Variants in CNTNAP2 observed in about 807,000 individuals in gnomAD.
CNTNAP2 encodes the protein contactin-associated protein-like 2.
In CNTNAP2, 98 loss-of-function variants were observed where a neutral mutation model predicts 155.2. The ratio of observed to expected loss-of-function variants is 0.63; its 90% CI spans 0.54 to 0.75. The LOEUF is 0.75. CNTNAP2 is among the 30% of genes least tolerant of loss of function. The probability of loss-of-function intolerance (pLI) is 0.00; values close to 1 mark genes in which losing one functional copy is unlikely to be tolerated. For missense variants in CNTNAP2, 1,727 were observed against 1,688.1 expected (o/e 1.02, Z -0.40); for synonymous variants, 651 against 631.2 (o/e 1.03, Z -0.47).
chr7:147,131,105 C>CAT (rs928043375), intron 7 of CNTNAP2, among the ~76,000 whole-genome samples: 1 of 139,892 alleles, frequency 7.1e-6, no homozygotes, highest in African/African-American at 2.5e-5. Context: ...TATACACACA[C>CAT]ATATATATAC....
At chr7:148,231,310 A>C (rs1218508403) in intron 20 of CNTNAP2, among the ~76,000 whole-genome samples, 1 of 152,170 alleles carries the variant, frequency 6.6e-6, no homozygotes, top group Non-Finnish European at 1.5e-5. Context: ...ACCTGCAGAG[A>C]ATCCAGGGGA....
chr7:148,056,910 C>A (rs1366135491), intron 15 of CNTNAP2, among the ~76,000 whole-genome samples: 2 of 152,160 alleles, frequency 1.3e-5, no homozygotes, highest in African/African-American at 4.8e-5. Flanking sequence ...TTTGCAACAA[C>A]TTTTAGAGCC....
chr7:147,907,842 T>C (rs1424560344), intron 14 of CNTNAP2, among the ~76,000 whole-genome samples: 3 of 152,136 alleles, frequency 2.0e-5, no homozygotes, highest in Non-Finnish European at 4.4e-5. Context: ...GGTACAGTAG[T>C]GTGATCTAGG....
Position 148,256,849 on chromosome 7 carries a change from G to A in CNTNAP2, c.3382-10184G>A, listed in dbSNP as rs1478448940. 2.0e-5 allele frequency among the ~76,000 whole-genome samples: 3 copies of A among 152,244 alleles called. No homozygotes were observed. The East Asian group carries it at 5.8e-4, about 30-fold the overall frequency. The stretch of plus-strand genomic sequence containing the variant: ...ACAAATCTGTCTGCTTTGGCCCTAG[G>A]CTAGGCCACCTCTGGCCTTGCCAAC... On this transcript the variant is annotated intron_variant, in intron 20 of 23. Transcript: ENST00000361727.
At chr7:148,041,888 T>TA (rs1802683739) in intron 15 of CNTNAP2, among the ~76,000 whole-genome samples, 1 of 152,146 alleles carries the variant, frequency 6.6e-6, no homozygotes, top group Non-Finnish European at 1.5e-5. Flanking sequence ...AATTATTTTT[T>TA]TAAAAAACTG....
At chr7:148,039,776 A>G (rs892893766) in intron 15 of CNTNAP2, among the ~76,000 whole-genome samples, 8 of 152,126 alleles carry the variant, frequency 5.3e-5, no homozygotes, top group African/African-American at 1.7e-4. Context: ...ACATACAAGA[A>G]CCCTCTGCTT....
At chr7:148,365,746 G>T (rs1798731121) in intron 21 of CNTNAP2, among the ~76,000 whole-genome samples, 1 of 63,360 alleles carries the variant, frequency 1.6e-5, no homozygotes, top group African/African-American at 4.8e-5. Context: ...GTGTATACAT[G>T]TATACATGTA....
intron 13 of CNTNAP2, among the ~76,000 whole-genome samples, chr7:147,738,495 G>A (rs1796896468): frequency 6.6e-6 from 1 of 152,124 alleles, no homozygotes; most frequent in South Asian, 2.1e-4. Context: ...ATAGAGGCAA[G>A]ACCCTTCACT....
At chr7:146,192,285 T>C (rs1798717325) in intron 1 of CNTNAP2, among the ~76,000 whole-genome samples, 1 of 152,138 alleles carries the variant, frequency 6.6e-6, no homozygotes, top group African/African-American at 2.4e-5. Context: ...TAACATGGAA[T>C]TTTTAGCCTG....
intron 11 of CNTNAP2, among the ~76,000 whole-genome samples, chr7:147,548,446 TG>T (rs2116759718): frequency 6.6e-6 from 1 of 151,950 alleles, no homozygotes; most frequent in Non-Finnish European, 1.5e-5. Flanking sequence ...CACTTTTTGA[TG>T]GGGTTGTTTG....
chr7:147,835,873 T>C (rs1798624492), intron 13 of CNTNAP2, among the ~76,000 whole-genome samples: 1 of 152,074 alleles, frequency 6.6e-6, no homozygotes, highest in Non-Finnish European at 1.5e-5. Context: ...TGAAGTTCTG[T>C]GGTCACAAGA....
intron 9 of CNTNAP2, among the ~76,000 whole-genome samples, chr7:147,334,735 G>A (rs1795637266): frequency 6.6e-6 from 1 of 152,108 alleles, no homozygotes; most frequent in South Asian, 2.1e-4. Context: ...ACCCCTAGCT[G>A]TCTAGCAAAT....
intron 1 of CNTNAP2, among the ~76,000 whole-genome samples, chr7:146,643,614 T>A (rs1239190318): frequency 6.6e-6 from 1 of 152,190 alleles, no homozygotes; most frequent in Non-Finnish European, 1.5e-5. Flanking sequence ...GCTTTGTTCT[T>A]TTGGCTTAGG....
At chr7:146,819,255 G>C (rs1227044442) in intron 2 of CNTNAP2, among the ~76,000 whole-genome samples, 4 of 152,092 alleles carry the variant, frequency 2.6e-5, no homozygotes, top group Non-Finnish European at 5.9e-5. Flanking sequence ...CTCATTTAAG[G>C]GAAGTGATGA....
intron 14 of CNTNAP2, among the ~76,000 whole-genome samples, 180 bp from the exon 15 acceptor site, chr7:147,977,682 A>G (rs945547640): frequency 3.9e-5 from 6 of 152,188 alleles, no homozygotes; most frequent in Non-Finnish European, 8.8e-5. Flanking sequence ...AGGGCTTCTG[A>G]GCAATGTGCT....
chr7:146,152,381 A>T (rs1273001809), intron 1 of CNTNAP2, among the ~76,000 whole-genome samples: 1 of 152,036 alleles, frequency 6.6e-6, no homozygotes, highest in Admixed American at 6.6e-5. Flanking sequence ...TACTGTGGAG[A>T]CTGGGGAGAT....
chr7:147,109,990 T>C (rs779123251), intron 5 of CNTNAP2, among the ~76,000 whole-genome samples: 25 of 152,132 alleles, frequency 1.6e-4, no homozygotes, highest in Non-Finnish European at 2.9e-4. Flanking sequence ...AGTGGCATGA[T>C]CTCTGCTCAC....
At chr7:148,415,282 T>A in intron 23 of CNTNAP2, 135 bp from the exon 24 acceptor site, 1 of 906,854 alleles carries the variant, frequency 1.1e-6, no homozygotes, top group Admixed American at 2.0e-5. Flanking sequence ...TTCATTTTTG[T>A]TATCTTTGTT....
At chr7:146,870,069 T>A (rs1437682464) in intron 3 of CNTNAP2, among the ~76,000 whole-genome samples, 2 of 152,118 alleles carry the variant, frequency 1.3e-5, no homozygotes, top group Non-Finnish European at 2.9e-5. Flanking sequence ...TTCTGCCAGG[T>A]TTTGGTATCA....
Sources: gnomAD v4.1 joint callset for allele counts (sites outside exome capture counted in the v4.1 genomes callset) on GRCh38, gnomAD v4.1.1 for gene constraint, MANE v1.5 for transcripts, NCBI Gene and HGNC (gene_info 2026-07-23, HGNC 2026-07-21) for gene names.